The following TSPAN11 variants were observed in gnomAD, a reference collection of about 807,000 sequenced individuals.
TSPAN11 encodes the protein tetraspanin-11.
In TSPAN11, 29 loss-of-function variants were observed where a neutral mutation model predicts 32.9. The observed-to-expected ratio is 0.88, with a 90% confidence interval of 0.66 to 1.20. The LOEUF is 1.20. TSPAN11 is among the 50% of genes most tolerant of loss of function. TSPAN11 has a pLI of 0.00. For missense variants in TSPAN11, 283 were observed against 329.1 expected, an observed-to-expected ratio of 0.86 and a Z score of 1.08; for synonymous variants, 140 against 141.3, an observed-to-expected ratio of 0.99 and a Z score of 0.07.
intron 4 of TSPAN11, among the ~76,000 whole-genome samples, chr12:30,979,362 C>T (rs1336141427): frequency 1.3e-5 from 2 of 152,184 alleles, no homozygotes; most frequent in Admixed American, 1.3e-4. Context: ...AGTTGGGGCT[C>T]AGTTTTTGTG....
chr12:30,988,259 G>A (rs182228903), intron 7 of TSPAN11, among the ~76,000 whole-genome samples: 2 of 152,338 alleles, frequency 1.3e-5, no homozygotes, highest in Admixed American at 1.3e-4. Flanking sequence ...CTGGACCAGA[G>A]CCACCGGCCC....
chr12:30,927,081 C>A (rs193277228), intron 1 of TSPAN11: 49 of 1,252,662 alleles, frequency 3.9e-5, no homozygotes, highest in Non-Finnish European at 5.0e-5. Context: ...GCACTTGTGC[C>A]TTGGGAGAGA....
intron 7 of TSPAN11, among the ~76,000 whole-genome samples, chr12:30,984,270 T>C (rs1939155802): frequency 6.6e-6 from 1 of 152,240 alleles, no homozygotes; most frequent in African/African-American, 2.4e-5. Flanking sequence ...GTTCCAGTCC[T>C]GGCTTTGCTC....
intron 1 of TSPAN11, among the ~76,000 whole-genome samples, chr12:30,949,597 C>A (rs1244275347): frequency 6.6e-6 from 1 of 152,122 alleles, no homozygotes; most frequent in Admixed American, 6.5e-5. Context: ...ATTACCTCCC[C>A]CTGGGTCCCT....
chr12:30,955,324 AG>A (rs1193778582), intron 2 of TSPAN11: 1 of 152,188 alleles, frequency 6.6e-6, no homozygotes, highest in Admixed American at 6.5e-5. Context: ...GCAATAATAA[AG>A]CTGTGTTGAT....
At position 30,993,040 on chromosome 12, in the gene TSPAN11, G is replaced by A. The variant is rs1413387643; in HGVS notation, c.*1125G>A. The A allele has an allele frequency of 6.6e-6, 1 of 152,210 alleles. No homozygotes were observed. The highest frequency in any genetic ancestry group is 2.4e-5 in the African/African-American group (1 of 41,452). 9.4% of individuals were successfully genotyped at this position (152,210 alleles called of 1,614,324 possible). On this transcript the variant is annotated 3_prime_UTR_variant, in exon 8 of 8. Transcript: ENST00000546076. ...CAGGAAGAACTTTCCCCAGTAATAA[G>A]GGAGAACAGAAAGAAAATCCTAGAA...
chr12:30,945,173 T>C (rs1238120959), intron 1 of TSPAN11, among the ~76,000 whole-genome samples: 1 of 152,184 alleles, frequency 6.6e-6, no homozygotes, highest in East Asian at 1.9e-4. Flanking sequence ...CCCTTCCTTT[T>C]GCCATCCCCC....
At chr12:30,999,836 C>T (rs1187080966), downstream of TSPAN11, among the ~76,000 whole-genome samples, 1 of 152,068 alleles carries the variant, frequency 6.6e-6, no homozygotes, top group Non-Finnish European at 1.5e-5. Flanking sequence ...CACTGTGCAG[C>T]CTTCCTCTAC....
downstream of TSPAN11, chr12:30,996,619 T>C (rs1440149231): frequency 6.6e-6 from 1 of 152,216 alleles, no homozygotes; most frequent in Non-Finnish European, 1.5e-5. Flanking sequence ...GTTGAATTTT[T>C]TTCTCCTCTG....
In TSPAN11 at chr12:30,982,781, T is replaced by C. The variant is rs144088638; in HGVS notation, c.615+91T>C. On this transcript the variant is annotated intron_variant, in intron 6 of 7. Coordinates refer to ENST00000546076, the MANE Select transcript of TSPAN11 (RefSeq NM_001370302.1). ...AAAGGCTGGGTCAGGCAGGTGGGTG[T>C]GGGAAAAGCAGGACACATGTGCTCC... 1,306 of 1,474,094 alleles carry C rather than the reference T, an allele frequency of 8.9e-4. 12 individuals are homozygous for C. In the African/African-American group the frequency reaches 0.016, roughly 18 times the overall value. 91.3% of individuals were successfully genotyped at this position (1,474,094 alleles called of 1,614,324 possible).
intron 1 of TSPAN11, among the ~76,000 whole-genome samples, chr12:30,951,139 G>A (rs1352922738): frequency 2.0e-5 from 3 of 152,174 alleles, no homozygotes; most frequent in African/African-American, 7.2e-5. Context: ...ACAGAATTCT[G>A]TACCCTATAA....
chr12:30,937,730 G>A (rs117789246), intron 1 of TSPAN11, among the ~76,000 whole-genome samples: 8 of 152,278 alleles, frequency 5.3e-5, no homozygotes, highest in East Asian at 3.9e-4. Flanking sequence ...ACCTGGAAAC[G>A]TGTTAGAAAT....
chr12:31,004,840 C>G, the TSPAN11 span, among the ~76,000 whole-genome samples: 1 of 152,264 alleles, frequency 6.6e-6, no homozygotes. Context: ...TGCTGCATTT[C>G]TGGCAAAGCA....
chr12:30,943,868 T>TG (rs1237304961), intron 1 of TSPAN11, among the ~76,000 whole-genome samples: 1 of 152,186 alleles, frequency 6.6e-6, no homozygotes, highest in Admixed American at 6.5e-5. Context: ...TGGCATGGGG[T>TG]GTGGAAATCC....
rs147071912 is a variant in TSPAN11 at position 30,935,768 on chromosome 12, G to A, written c.-12+8972G>A. ...TTTCCTGCATGGGCTTAGGGTCACCGGCAGCCTCCTCCGCTCCCCTAGCTG... is the reference window on the plus strand; with the variant it reads ...TTTCCTGCATGGGCTTAGGGTCACCAGCAGCCTCCTCCGCTCCCCTAGCTG... On this transcript the variant is annotated intron_variant, in intron 1 of 7. Transcript: ENST00000546076. Among the ~76,000 whole-genome samples the A allele has an allele frequency of 5.2e-3, 787 of 152,248 alleles. 3 individuals are homozygous for A. The highest frequency in any genetic ancestry group is 8.3e-3 in the Non-Finnish European group (567 of 68,008).
At chr12:30,938,003 C>A (rs1169381795) in intron 1 of TSPAN11, among the ~76,000 whole-genome samples, 1 of 152,176 alleles carries the variant, frequency 6.6e-6, no homozygotes, top group Non-Finnish European at 1.5e-5. Flanking sequence ...CATCCATTGT[C>A]AAGAATACTA....
At chr12:30,981,938 T>G (rs1369173306) in intron 5 of TSPAN11, among the ~76,000 whole-genome samples, 1 of 152,178 alleles carries the variant, frequency 6.6e-6, no homozygotes, top group African/African-American at 2.4e-5. Flanking sequence ...TCCACTGTCT[T>G]GGAATCATTT....
chr12:30,997,608 G>C (rs955163526), downstream of TSPAN11: 1 of 152,334 alleles, frequency 6.6e-6, no homozygotes, highest in Non-Finnish European at 1.5e-5. Context: ...CAAGGGGGAA[G>C]TCCGCCCCCA....
At chr12:30,983,322 G>A (rs560573952) in intron 7 of TSPAN11, among the ~76,000 whole-genome samples, 172 bp downstream of exon 7, 3 of 152,232 alleles carry the variant, frequency 2.0e-5, no homozygotes, top group Admixed American at 6.5e-5. Flanking sequence ...TGAATCCCAC[G>A]GTCAGTCTCT....
Sources: gnomAD v4.1 joint callset for allele counts (sites outside exome capture counted in the v4.1 genomes callset) on GRCh38, gnomAD v4.1.1 for gene constraint, MANE v1.5 for transcripts, NCBI Gene and HGNC (gene_info 2026-07-23, HGNC 2026-07-21) for gene names.